The following EXOC6B variants were observed in gnomAD, a reference collection of about 807,000 sequenced individuals.
The protein encoded by EXOC6B is SEC15 homolog B.
In EXOC6B, 54 loss-of-function variants were observed where a neutral mutation model predicts 113.5. The observed-to-expected ratio is 0.48, with a 90% confidence interval of 0.38 to 0.60. EXOC6B has a LOEUF of 0.60. Ranked by LOEUF, EXOC6B falls within the 20% of genes least tolerant of loss-of-function variation. EXOC6B has a pLI of 0.00. For missense variants in EXOC6B, 797 were observed against 977.5 expected, an observed-to-expected ratio of 0.82 and a Z score of 2.46; for synonymous variants, 357 against 339.0, an observed-to-expected ratio of 1.05 and a Z score of -0.58.
chr2:72,683,939 C>T (rs949812108), intron 6 of EXOC6B, among the ~76,000 whole-genome samples: 1 of 152,080 alleles, frequency 6.6e-6, no homozygotes, highest in African/African-American at 2.4e-5. Context: ...TACTTACTTA[C>T]TTATTTATTT....
intron 8 of EXOC6B, among the ~76,000 whole-genome samples, chr2:72,551,140 G>C (rs1703197872): frequency 6.6e-6 from 1 of 152,080 alleles, no homozygotes; most frequent in Non-Finnish European, 1.5e-5. Flanking sequence ...GTAAATGTGT[G>C]ATTAAATTAT....
rs3063329 is a variant in EXOC6B at position 72,360,930 on chromosome 2, CA to C, written c.2122+18798del. ...TGGGCGATAAAGGAAGACTCCATCT[CA>C]AAAAAAAAAAAAAAAAAAAATTATG... On this transcript the variant is annotated intron_variant, in intron 19 of 21. Coordinates refer to ENST00000272427, the MANE Select transcript of EXOC6B (RefSeq NM_015189.3). Among the ~76,000 whole-genome samples, 903 of 91,134 alleles carry C rather than the reference CA, an allele frequency of 9.9e-3. 6 individuals carry two copies. The highest frequency in any genetic ancestry group is 0.014 in the Middle Eastern group (2 of 142). The allele number at this position is 91,134 out of a possible 152,430, so 59.8% of individuals were successfully genotyped here. A position where few individuals can be genotyped will look rare whatever the true frequency, so the allele number is the denominator to read the frequency against.
intron 20 of EXOC6B, among the ~76,000 whole-genome samples, chr2:72,275,508 T>A (rs1050319517): frequency 3.3e-5 from 5 of 152,190 alleles, no homozygotes; most frequent in Non-Finnish European, 5.9e-5. Context: ...AGTGAGCATG[T>A]CAAGTCATTT....
At chr2:72,415,277 T>A (rs1302685737) in intron 18 of EXOC6B, among the ~76,000 whole-genome samples, 2 of 151,786 alleles carry the variant, frequency 1.3e-5, no homozygotes, top group African/African-American at 4.9e-5. Context: ...GCTATGGAGA[T>A]CTGAAAGCTT....
chr2:72,816,153 C>A (rs1355423084), intron 1 of EXOC6B, among the ~76,000 whole-genome samples: 1 of 151,970 alleles, frequency 6.6e-6, no homozygotes, highest in Non-Finnish European at 1.5e-5. Context: ...AGCAAGACTC[C>A]GTCTCAAAAA....
chr2:72,796,624 G>A (rs1020706121), intron 1 of EXOC6B, among the ~76,000 whole-genome samples: 13 of 151,248 alleles, frequency 8.6e-5, no homozygotes, highest in Admixed American at 1.3e-4. Flanking sequence ...GAATCTCTTC[G>A]CCTCCACTTT....
chr2:72,462,931 A>G (rs963326746), intron 18 of EXOC6B: 2 of 152,006 alleles, frequency 1.3e-5, no homozygotes, highest in African/African-American at 4.8e-5. Context: ...TTTCAAATAG[A>G]TGTTCTTTAT....
At chr2:72,774,995 A>G (rs1683614235) in intron 1 of EXOC6B, among the ~76,000 whole-genome samples, 1 of 152,172 alleles carries the variant, frequency 6.6e-6, no homozygotes, top group South Asian at 2.1e-4. Flanking sequence ...TATTGAAGGT[A>G]TAACTCAGGA....
chr2:72,790,553 T>C (rs1684618384), intron 1 of EXOC6B, among the ~76,000 whole-genome samples: 1 of 152,176 alleles, frequency 6.6e-6, no homozygotes, highest in African/African-American at 2.4e-5. Flanking sequence ...GCTCCCAAAA[T>C]TTTAAAGTTA....
intron 8 of EXOC6B, among the ~76,000 whole-genome samples, chr2:72,544,101 T>C (rs1473741189): frequency 6.6e-6 from 1 of 152,188 alleles, no homozygotes; most frequent in Non-Finnish European, 1.5e-5. Flanking sequence ...CAGATGAATA[T>C]TTTGAGATGG....
chr2:72,789,486 T>G lies in EXOC6B; in HGVS notation c.113+36312A>C, dbSNP rs145525268. On this transcript the variant is annotated intron_variant, in intron 1 of 21. Transcript: ENST00000272427. ...ACAACAACTCTGAGTCAAATGTGAA[T>G]TAATAATAGTCTCCCACTTCATTTT... Among the ~76,000 whole-genome samples the G allele has an allele frequency of 5.0e-3, 769 of 152,328 alleles. 7 individuals are homozygous for G. Among genetic ancestry groups the G allele is most frequent in the South Asian group, 0.022 (108 of 4,822 alleles).
chr2:72,718,361 A>G, intron 5 of EXOC6B, 54 bp from the exon 6 acceptor site: 1 of 1,496,868 alleles, frequency 6.7e-7, no homozygotes, highest in South Asian at 1.2e-5. Context: ...AGGGTTAGGC[A>G]AAATGTCTAG....
chr2:72,603,434 T>A (rs1670553519), intron 6 of EXOC6B, among the ~76,000 whole-genome samples: 2 of 151,818 alleles, frequency 1.3e-5, no homozygotes, highest in South Asian at 4.2e-4. Flanking sequence ...TAGTCAAGGA[T>A]CCTTGGGGAT....
chr2:72,539,194 GA>G (rs906406884), intron 8 of EXOC6B, among the ~76,000 whole-genome samples: 1 of 151,876 alleles, frequency 6.6e-6, no homozygotes, highest in African/African-American at 2.4e-5. Flanking sequence ...GTAGAGCAAA[GA>G]AAAGGAAAAA....
At chr2:72,393,181 A>G (rs1692495365) in intron 18 of EXOC6B, among the ~76,000 whole-genome samples, 1 of 150,992 alleles carries the variant, frequency 6.6e-6, no homozygotes, top group South Asian at 2.1e-4. Flanking sequence ...TGCAGCCTCT[A>G]CCTCCCAGTT....
At chr2:72,250,198 G>A (rs1682924012) in intron 20 of EXOC6B, among the ~76,000 whole-genome samples, 1 of 152,128 alleles carries the variant, frequency 6.6e-6, no homozygotes, top group Non-Finnish European at 1.5e-5. Context: ...GATGAAAACA[G>A]TCTCCAAATT....
chr2:72,790,437 G>A (rs539628993), intron 1 of EXOC6B, among the ~76,000 whole-genome samples: 6 of 152,120 alleles, frequency 3.9e-5, no homozygotes, highest in South Asian at 2.1e-4. Context: ...TATAATATGC[G>A]CTTTCATAGG....
intron 20 of EXOC6B, among the ~76,000 whole-genome samples, chr2:72,294,078 G>GAA (rs949247198): frequency 2.3e-5 from 3 of 130,082 alleles, no homozygotes; most frequent in Non-Finnish European, 5.0e-5. Context: ...TGGAACCAGT[G>GAA]AAAAAAAAAA....
intron 18 of EXOC6B, among the ~76,000 whole-genome samples, chr2:72,427,286 G>A (rs1695252022): frequency 6.6e-6 from 1 of 152,186 alleles, no homozygotes; most frequent in Non-Finnish European, 1.5e-5. Flanking sequence ...TGAAAGATGT[G>A]GCCAGGGCTG....
Sources: gnomAD v4.1 joint callset for allele counts (sites outside exome capture counted in the v4.1 genomes callset) on GRCh38, gnomAD v4.1.1 for gene constraint, MANE v1.5 for transcripts, NCBI Gene and HGNC (gene_info 2026-07-23, HGNC 2026-07-21) for gene names.